Variants in MICAL3 observed in about 807,000 individuals in gnomAD.
MICAL3 encodes the protein microtubule associated monooxygenase, calponin and LIM domain containing 3.
MICAL3 carries 62 observed loss-of-function variants against 207.4 expected under a neutral mutation model. The ratio of observed to expected loss-of-function variants is 0.30; its 90% CI spans 0.24 to 0.37. MICAL3 has a LOEUF of 0.37. Ranked by LOEUF, MICAL3 falls within the 10% of genes least tolerant of loss-of-function variation. The pLI, the probability that MICAL3 is intolerant of heterozygous loss-of-function variation, is 1.00. For missense variants in MICAL3, 2,368 were observed against 2,635.6 expected (o/e 0.90, Z 2.22); for synonymous variants, 1,077 against 1,069.3 (o/e 1.01, Z -0.14).
chr22:17,890,905 A>G (rs1930341411), intron 12 of MICAL3, among the ~76,000 whole-genome samples: 1 of 152,252 alleles, frequency 6.6e-6, no homozygotes, highest in Non-Finnish European at 1.5e-5. Flanking sequence ...AGGTGAGTGG[A>G]GAATGGCCAA....
At chr22:17,923,158 C>T (rs993884258) in intron 1 of MICAL3, among the ~76,000 whole-genome samples, 1 of 152,162 alleles carries the variant, frequency 6.6e-6, no homozygotes, top group Non-Finnish European at 1.5e-5. Flanking sequence ...CTTTCTTCTG[C>T]TCAAGGAATA....
intron 1 of MICAL3, among the ~76,000 whole-genome samples, chr22:18,017,733 C>T (rs1212998349): frequency 6.6e-6 from 1 of 150,616 alleles, no homozygotes; most frequent in Admixed American, 6.7e-5. Flanking sequence ...TTACAGGTAC[C>T]CGCCACCACA....
In MICAL3 at chr22:17,994,636, C is replaced by G. The variant is rs570008730; in HGVS notation, c.-75+29645G>C. ...GCTGAGGTTGGGGGATGGCCTGGCC[C>G]AGGAGGTCAAGGCTGCAGTGAGCCG... On this transcript the variant is annotated intron_variant, in intron 1 of 31. Transcript: ENST00000441493. Among the ~76,000 whole-genome samples, 256 of 151,398 alleles carry G rather than the reference C, an allele frequency of 1.7e-3. 2 individuals are homozygous for G. Among genetic ancestry groups the G allele is most frequent in the African/African-American group, 5.1e-3 (209 of 41,226 alleles).
At chr22:17,826,731 G>C (rs941464389) in intron 22 of MICAL3, among the ~76,000 whole-genome samples, 1 of 152,208 alleles carries the variant, frequency 6.6e-6, no homozygotes, top group Non-Finnish European at 1.5e-5. Flanking sequence ...CCCAAGGTAG[G>C]GCCACCGCCG....
At chr22:17,885,843 C>CA in intron 16 of MICAL3, 35 bp downstream of exon 16, 1 of 1,607,266 alleles carries the variant, frequency 6.2e-7, no homozygotes, top group Non-Finnish European at 8.5e-7. Context: ...GTGATCTGAC[C>CA]AAATCGGTGT....
intron 1 of MICAL3, among the ~76,000 whole-genome samples, chr22:17,954,864 C>T (rs772109107): frequency 2.0e-5 from 3 of 151,764 alleles, no homozygotes; most frequent in Non-Finnish European, 4.4e-5. Context: ...TCTGGGATTA[C>T]AGGCGGACAC....
At chr22:17,922,277 G>C (rs534761903) in intron 1 of MICAL3, among the ~76,000 whole-genome samples, 21 of 152,272 alleles carry the variant, frequency 1.4e-4, no homozygotes, top group African/African-American at 4.6e-4. Flanking sequence ...GTACAGATGC[G>C]GGCAGATGCC....
chr22:17,866,761 A>G (rs181793549), intron 17 of MICAL3, among the ~76,000 whole-genome samples: 1 of 152,240 alleles, frequency 6.6e-6, no homozygotes, highest in South Asian at 2.1e-4. Flanking sequence ...CTGGGTCTCA[A>G]TGTAACGTGC....
chr22:17,886,754 G>A (rs1174281799), intron 15 of MICAL3, among the ~76,000 whole-genome samples: 1 of 148,336 alleles, frequency 6.7e-6, no homozygotes, highest in Non-Finnish European at 1.5e-5. Context: ...GCAGTGAGCC[G>A]AGATTGCACT....
At chr22:17,877,207 T>TGGAGGTTAG (rs1569110010) in intron 16 of MICAL3, among the ~76,000 whole-genome samples, 1 of 9,976 alleles carries the variant, frequency 1.0e-4, no homozygotes, top group Non-Finnish European at 1.9e-4. Flanking sequence ...AGGGAGGTTA[T>TGGAGGTTAG]GGAGGTTATG....
chr22:17,809,116 G>GT (rs1291908035), intron 28 of MICAL3, among the ~76,000 whole-genome samples, 179 bp from the exon 29 acceptor site: 1 of 152,236 alleles, frequency 6.6e-6, no homozygotes, highest in African/African-American at 2.4e-5. Context: ...CACCTAGCTT[G>GT]TGTAGACGCC....
At chr22:17,923,950 T>C (rs530916558) in intron 1 of MICAL3, among the ~76,000 whole-genome samples, 1 of 152,208 alleles carries the variant, frequency 6.6e-6, no homozygotes, top group South Asian at 2.1e-4. Flanking sequence ...AAGGAACTTA[T>C]GATCATAGTG....
chr22:17,825,762 A>G (rs1296908664), intron 22 of MICAL3, among the ~76,000 whole-genome samples: 2 of 152,208 alleles, frequency 1.3e-5, no homozygotes, highest in Non-Finnish European at 2.9e-5. Flanking sequence ...CGGACACTCC[A>G]AGGGCCGAGG....
chr22:17,801,932 C>A (rs1442512819), intron 29 of MICAL3, among the ~76,000 whole-genome samples: 2 of 151,736 alleles, frequency 1.3e-5, no homozygotes, highest in African/African-American at 2.4e-5. Context: ...CAACAAAAAA[C>A]CCAAAAAACA....
chr22:17,890,631 C>T (rs901982415), intron 12 of MICAL3, among the ~76,000 whole-genome samples: 2 of 152,210 alleles, frequency 1.3e-5, no homozygotes, highest in African/African-American at 4.8e-5. Context: ...TTTACCAGCT[C>T]TTGCCTTGTC....
At chr22:17,884,938 G>T (rs1226580109) in intron 16 of MICAL3, among the ~76,000 whole-genome samples, 1 of 152,206 alleles carries the variant, frequency 6.6e-6, no homozygotes. Flanking sequence ...TGGCTGATGG[G>T]CATGGAAAAG....
intron 1 of MICAL3, among the ~76,000 whole-genome samples, chr22:17,945,161 C>T (rs1304417793): frequency 3.3e-5 from 5 of 152,026 alleles, no homozygotes; most frequent in African/African-American, 1.2e-4. Flanking sequence ...GGAAAAAAGC[C>T]TCAAGTCCTC....
Position 17,790,701 on chromosome 22 carries a change from G to A in MICAL3, c.*31C>T, listed in dbSNP as rs1364989720. On this transcript the variant is annotated 3_prime_UTR_variant, in exon 32 of 32. Coordinates refer to ENST00000441493, the MANE Select transcript of MICAL3 (RefSeq NM_015241.3). The stretch of plus-strand genomic sequence containing the variant: ...GATGCCACTGCCTGGCCAGGCGGAT[G>A]CCAACAGAAAATGGAGCGTTGGGTG... 10 of 1,557,486 alleles carry A rather than the reference G, an allele frequency of 6.4e-6. No homozygotes were observed. Among genetic ancestry groups the A allele is most frequent in the Non-Finnish European group, 8.7e-6 (10 of 1,149,118 alleles).
Position 17,791,040 on chromosome 22 carries a change from T to G in MICAL3, c.5782A>C (p.Ser1928Arg). Residue 1928 changes from serine to arginine, a missense_variant, in exon 31 of 32, where the codon AGT (serine) becomes CGT (arginine). Ser to Arg is a moderately radical substitution (Grantham distance 110). Around this residue, in one of 4 missense-constraint regions of MICAL3, gnomAD observed 1,770 missense variants for 1,863.2 expected, o/e 0.95. Coordinates refer to ENST00000441493, the MANE Select transcript of MICAL3 (RefSeq NM_015241.3). ...TCCCGGAGCTCCTGCTGCAGTCGAC[T>G]CTGCCGGTCTTCCAGCTCCAGCTCC... ...ARELELEDRQ[S>R]RLQQELRERM... 1 of 1,612,034 alleles carries G rather than the reference T, an allele frequency of 6.2e-7. No individual in the cohort carries two copies. Among genetic ancestry groups the G allele is most frequent in the South Asian group, 1.1e-5 (1 of 91,040 alleles).
Sources: gnomAD v4.1 joint callset for allele counts (sites outside exome capture counted in the v4.1 genomes callset) on GRCh38, gnomAD v4.1.1 for gene constraint, gnomAD v4.1.1 regional missense constraint, MANE v1.5 for transcripts, NCBI Gene and HGNC (gene_info 2026-07-23, HGNC 2026-07-21) for gene names.